Variants in SMAD4 observed in about 807,000 individuals in gnomAD.
SMAD4 encodes MAD homolog 4.
Under a neutral mutation model 63.2 loss-of-function variants are expected in SMAD4, and 7 were observed. The ratio of observed to expected loss-of-function variants is 0.11; its 90% CI spans 0.06 to 0.21. The LOEUF (loss-of-function observed/expected upper bound fraction) is 0.21. SMAD4 is among the 10% of genes least tolerant of loss of function. The probability of loss-of-function intolerance (pLI) is 1.00; values close to 1 mark genes in which losing one functional copy is unlikely to be tolerated. For missense variants in SMAD4, 312 were observed against 693.8 expected (o/e 0.45, Z 6.18); for synonymous variants, 215 against 235.4 (o/e 0.91, Z 0.79).
At chr18:51,065,185 TA>T (rs774723383) in intron 8 of SMAD4, among the ~76,000 whole-genome samples, 26 of 148,512 alleles carry the variant, frequency 1.8e-4, no homozygotes, top group East Asian at 5.9e-4. Flanking sequence ...AATTGGAAAT[TA>T]AAAAAAAAAA....
At chr18:51,054,494 G>C (rs899757442) in intron 4 of SMAD4, 8 of 402,040 alleles carry the variant, frequency 2.0e-5, no homozygotes, top group Non-Finnish European at 2.7e-5. Context: ...AAGAAACTGA[G>C]GAGTACCTTT....
chr18:51,033,696 A>G (rs547881403), intron 1 of SMAD4, among the ~76,000 whole-genome samples: 1 of 152,148 alleles, frequency 6.6e-6, no homozygotes, highest in African/African-American at 2.4e-5. Context: ...GAATTTTTGG[A>G]TTTTGTTTTC....
intron 2 of SMAD4, among the ~76,000 whole-genome samples, chr18:51,048,248 A>G (rs923050682): frequency 2.0e-5 from 3 of 152,076 alleles, no homozygotes; most frequent in Admixed American, 6.5e-5. Context: ...GCCTTGACCT[A>G]CTGGGCTTAT....
At chr18:51,046,174 G>A (rs1568202633) in intron 1 of SMAD4, among the ~76,000 whole-genome samples, 1 of 152,114 alleles carries the variant, frequency 6.6e-6, no homozygotes, top group African/African-American at 2.4e-5. Flanking sequence ...TTAACATTTT[G>A]TATTAATACC....
At chr18:51,033,684 T>C (rs1033266468) in intron 1 of SMAD4, among the ~76,000 whole-genome samples, 5 of 152,220 alleles carry the variant, frequency 3.3e-5, no homozygotes, top group African/African-American at 4.8e-5. Context: ...AAGTCAGATT[T>C]AGAATTTTTG....
chr18:51,065,806 AAGAT>A (rs1397155626), intron 9 of SMAD4, among the ~76,000 whole-genome samples, 200 bp downstream of exon 9: 1 of 152,206 alleles, frequency 6.6e-6, no homozygotes, highest in African/African-American at 2.4e-5. Context: ...ATAATGATAA[AAGAT>A]AGCCTTTTTT....
At chr18:51,035,990 A>AT (rs1468625310) in intron 1 of SMAD4, among the ~76,000 whole-genome samples, 1 of 151,974 alleles carries the variant, frequency 6.6e-6, no homozygotes, top group African/African-American at 2.4e-5. Context: ...TTACTGCTTT[A>AT]TTTATCTATT....
At position 51,048,778 on chromosome 18, in the gene SMAD4, T is replaced by C. The variant is rs757211048; in HGVS notation, c.342T>C (p.Tyr114=). 7.4e-6 allele frequency: 12 copies of C among 1,614,040 alleles called. No individual in the cohort carries two copies. In the East Asian group the frequency reaches 2.7e-4, roughly 36 times the overall value. The stretch of plus-strand genomic sequence containing the variant: ...AAAATGAACTAAAACATGTTAAATA[T>C]TGTCAGTATGCGTTTGACTTAAAAT... ...LHKNELKHVK[Y]CQYAFDLKCD... The change falls in exon 3 of 12, where the codon TAT becomes TAC. Residue 114 remains tyrosine (Y), a synonymous_variant. Coordinates refer to ENST00000342988, the MANE Select transcript of SMAD4 (RefSeq NM_005359.6).
intron 1 of SMAD4, among the ~76,000 whole-genome samples, chr18:51,034,497 C>T (rs751847000): frequency 8.5e-5 from 13 of 152,118 alleles, no homozygotes; most frequent in South Asian, 2.1e-4. Flanking sequence ...GTGATCCACC[C>T]GCCTCAGCCT....
At chr18:51,054,657 A>G (rs1909791175) in intron 4 of SMAD4, 124 bp from the exon 5 acceptor site, 1 of 679,260 alleles carries the variant, frequency 1.5e-6, no homozygotes, top group African/African-American at 1.8e-5. Context: ...AAAAATTCTG[A>G]ATTAAGGTTA....
At position 51,076,659 on chromosome 18, in the gene SMAD4, C is replaced by T. The variant is rs1910477676; in HGVS notation, c.1330C>T (p.His444Tyr). The change falls in exon 11 of 12, where the codon CAT becomes TAT. Residue 444 changes from histidine (H) to tyrosine (Y), a missense_variant. Physicochemically the swap from His to Tyr is moderately conservative, Grantham distance 83 (BLOSUM62 2). Coordinates refer to ENST00000342988, the MANE Select transcript of SMAD4 (RefSeq NM_005359.6). ...YIKVFDLRQC[H>Y]RQMQQQAATA... ...AAAGGTCTTTGATTTGCGTCAGTGT[C>T]ATCGACAGATGCAGCAGCAGGCGGC... 1 of 1,614,014 alleles carries T rather than the reference C, an allele frequency of 6.2e-7. No homozygotes were observed. The highest frequency in any genetic ancestry group is 1.3e-5 in the African/African-American group (1 of 75,038).
chr18:51,073,465 T>TGG (rs1910388099), intron 10 of SMAD4, among the ~76,000 whole-genome samples: 1 of 138,966 alleles, frequency 7.2e-6, no homozygotes, highest in East Asian at 2.1e-4. Flanking sequence ...TAAAAAAAAG[T>TGG]AGTTGTGGAG....
intron 10 of SMAD4, among the ~76,000 whole-genome samples, chr18:51,073,289 A>AGT (rs1474966350): frequency 2.7e-5 from 4 of 146,652 alleles, no homozygotes; most frequent in African/African-American, 1.0e-4. Context: ...GGGGTGGGGG[A>AGT]GTGTTAATGT....
At chr18:51,039,014 C>T (rs537493677) in intron 1 of SMAD4, among the ~76,000 whole-genome samples, 131 of 151,944 alleles carry the variant, frequency 8.6e-4, no homozygotes, top group African/African-American at 3.1e-3. Flanking sequence ...GGCTGAGGCA[C>T]GAGAATCACT....
At chr18:51,042,472 A>G (rs755280840) in intron 1 of SMAD4, among the ~76,000 whole-genome samples, 2 of 151,958 alleles carry the variant, frequency 1.3e-5, no homozygotes, top group African/African-American at 2.4e-5. Context: ...CCCAGGCTCA[A>G]GCCGTCCTCC....
chr18:51,067,985 T>C (rs939292099), intron 10 of SMAD4, among the ~76,000 whole-genome samples: 2 of 152,234 alleles, frequency 1.3e-5, no homozygotes, highest in Non-Finnish European at 2.9e-5. Context: ...GCAGTTGTAA[T>C]TAGATAGCCT....
At chr18:51,042,156 CACAAG>C (rs1387505753) in intron 1 of SMAD4, among the ~76,000 whole-genome samples, 1 of 152,130 alleles carries the variant, frequency 6.6e-6, no homozygotes, top group Non-Finnish European at 1.5e-5. Flanking sequence ...TCTTGCATCC[CACAAG>C]ACTTTCAGAT....
intron 4 of SMAD4, chr18:51,054,578 T>C: frequency 1.8e-6 from 1 of 555,196 alleles, no homozygotes; most frequent in Non-Finnish European, 3.2e-6. Flanking sequence ...TGATAAAATA[T>C]ATCTCATGCT....
At chr18:51,072,671 A>G (rs1192897599) in intron 10 of SMAD4, among the ~76,000 whole-genome samples, 1 of 152,236 alleles carries the variant, frequency 6.6e-6, no homozygotes, top group Non-Finnish European at 1.5e-5. Flanking sequence ...AGATGTTGTC[A>G]GTGATCTTTA....
Sources: gnomAD v4.1 joint callset for allele counts (sites outside exome capture counted in the v4.1 genomes callset) on GRCh38, gnomAD v4.1.1 for gene constraint, MANE v1.5 for transcripts, NCBI Gene and HGNC (gene_info 2026-07-23, HGNC 2026-07-21) for gene names.